The following RPS6KA2 variants were observed in gnomAD, a reference collection of about 807,000 sequenced individuals.
RPS6KA2 encodes ribosomal protein S6 kinase A2.
RPS6KA2 carries 42 observed loss-of-function variants against 91.8 expected under a neutral mutation model. The ratio of observed to expected loss-of-function variants is 0.46; its 90% CI spans 0.36 to 0.59. RPS6KA2 has a LOEUF of 0.59. Among genes scored for constraint, RPS6KA2 ranks in the 20% least tolerant of loss-of-function variants. The pLI, the probability that RPS6KA2 is intolerant of heterozygous loss-of-function variation, is 0.00. For synonymous variants in RPS6KA2, 414 were observed against 393.6 expected (o/e 1.05, Z -0.61); for missense variants, 798 against 978.5 (o/e 0.82, Z 2.46).
Position 166,445,351 on chromosome 6 carries a change from A to T in RPS6KA2, c.1332+3373T>A, listed in dbSNP as rs1452911199. Among the ~76,000 whole-genome samples the T allele has an allele frequency of 6.6e-6, 1 of 152,148 alleles. No homozygotes were observed. The highest frequency in any genetic ancestry group is 1.5e-5 in the Non-Finnish European group (1 of 68,014). ...AAGAAAAACTCCATCCCCATCTCCAAAATATCAACCTCCTGGCCTTTATCT... is the reference window on the plus strand; with the variant it reads ...AAGAAAAACTCCATCCCCATCTCCATAATATCAACCTCCTGGCCTTTATCT... On this transcript the variant is annotated intron_variant, in intron 14 of 20. Coordinates refer to ENST00000265678, the MANE Select transcript of RPS6KA2 (RefSeq NM_021135.6). The surrounding 1 kb of genome is among the most constrained non-coding windows in gnomAD (Gnocchi z 4.5).
In RPS6KA2 at chr6:166,665,081, C is replaced by CA. The variant is rs778275876; in HGVS notation, c.124-126298dup. ...GCAAAATAGTGAGACCCCATCTCTACAAAAAATAAAATTAGCCAGGCATGG... is the reference window on the plus strand; with the variant it reads ...GCAAAATAGTGAGACCCCATCTCTACAAAAAAATAAAATTAGCCAGGCATGG... On this transcript the variant is annotated intron_variant, in intron 2 of 21. Transcript: ENST00000503859. This position sits in a 1 kb window ranked among gnomAD's most constrained non-coding sequence, Gnocchi z 4.5. Among the ~76,000 whole-genome samples the CA allele has an allele frequency of 1.3e-5, 2 of 152,116 alleles. No individual in the cohort carries two copies. Among genetic ancestry groups the CA allele is most frequent in the Non-Finnish European group, 2.9e-5 (2 of 67,998 alleles).
chr6:166,516,970 T>G (rs926797540), intron 3 of RPS6KA2, among the ~76,000 whole-genome samples: 4 of 152,180 alleles, frequency 2.6e-5, no homozygotes, highest in Non-Finnish European at 5.9e-5. Context: ...TCACATCCAT[T>G]TGGAATGAAG....
chr6:166,553,748 A>G (rs1784092193), intron 1 of RPS6KA2, among the ~76,000 whole-genome samples: 1 of 152,176 alleles, frequency 6.6e-6, no homozygotes, highest in South Asian at 2.1e-4. Context: ...TGCTTTAAAC[A>G]GACTTGGCTA....
In RPS6KA2 at chr6:166,691,003, A is replaced by G. The variant is rs150950033; in HGVS notation, c.124-152219T>C. 4.0e-4 allele frequency among the ~76,000 whole-genome samples: 61 copies of G among 152,372 alleles called. No individual in the cohort carries two copies. The East Asian group carries it at 0.011, about 27-fold the overall frequency. On this transcript the variant is annotated intron_variant, in intron 2 of 21. Coordinates refer to the RPS6KA2 transcript ENST00000503859. ...ATCATCAACAGTAAACAGCATAATA[A>G]TCAACAGCACACAGTCCATATAATA...
intron 2 of RPS6KA2, among the ~76,000 whole-genome samples, chr6:166,851,096 C>T (rs73788171): frequency 0.018 from 2,799 of 152,248 alleles, 85 homozygotes; most frequent in African/African-American, 0.064. Flanking sequence ...ATTTCACCAC[C>T]TGAAAAATGG....
chr6:166,744,651 C>T (rs953352956), intron 2 of RPS6KA2, among the ~76,000 whole-genome samples: 2 of 152,216 alleles, frequency 1.3e-5, no homozygotes, highest in African/African-American at 4.8e-5. Context: ...TCCCGCGCTG[C>T]CCCTTCAGAC....
Position 166,508,986 on chromosome 6 carries a change from C to T in RPS6KA2, c.380-704G>A, listed in dbSNP as rs1156492566. Among the ~76,000 whole-genome samples, 4 of 152,222 alleles carry T rather than the reference C, an allele frequency of 2.6e-5. No homozygotes were observed. Among genetic ancestry groups the T allele is most frequent in the African/African-American group, 9.6e-5 (4 of 41,462 alleles). On this transcript the variant is annotated intron_variant, in intron 4 of 20. Transcript: ENST00000265678. This position sits in a 1 kb window ranked among gnomAD's most constrained non-coding sequence, Gnocchi z 4.3. Reference sequence around the variant, plus strand: ...ACCATCGCTGCTGTGACGATGGTTGCTGCAGTGGCACTGGTGAGGCACCGC... The same window carrying T: ...ACCATCGCTGCTGTGACGATGGTTGTTGCAGTGGCACTGGTGAGGCACCGC...
intron 13 of RPS6KA2, among the ~76,000 whole-genome samples, chr6:166,449,296 C>T (rs1350892673): frequency 2.6e-5 from 4 of 152,148 alleles, no homozygotes; most frequent in Non-Finnish European, 5.9e-5. Flanking sequence ...CAGCCCCACC[C>T]ACCCGCTCTT....
chr6:166,510,554 CATATATATATATATATATATATATAT>C lies in RPS6KA2; in HGVS notation c.299-223_299-198del, dbSNP rs58712416. Among the ~76,000 whole-genome samples the C allele has an allele frequency of 2.0e-3, 161 of 78,794 alleles. 4 individuals are homozygous for C. The highest frequency in any genetic ancestry group is 9.7e-3 in the East Asian group (24 of 2,466). The allele number at this position is 78,794 out of a possible 152,430, so 51.7% of individuals were successfully genotyped here. The stretch of plus-strand genomic sequence containing the variant: ...TTTAATACATTTGCTTTCTCTCTCT[CATATATATATATATATATATATATAT>C]ATATATATATATATATATATATATA... On this transcript the variant is annotated intron_variant, in intron 3 of 20. Coordinates refer to ENST00000265678, the MANE Select transcript of RPS6KA2 (RefSeq NM_021135.6).
At chr6:166,720,688 C>A (rs1439205000) in intron 2 of RPS6KA2, among the ~76,000 whole-genome samples, 1 of 152,208 alleles carries the variant, frequency 6.6e-6, no homozygotes, top group Non-Finnish European at 1.5e-5. Context: ...AGAAAAATGA[C>A]CTCTGTGTAT....
intron 2 of RPS6KA2, among the ~76,000 whole-genome samples, chr6:166,636,324 G>A (rs1787241548): frequency 6.6e-6 from 1 of 152,092 alleles, no homozygotes. Context: ...TCTCGGACAG[G>A]CTTGAATCAG....
Position 166,411,920 on chromosome 6 carries a change from C to G in RPS6KA2, c.*842G>C, listed in dbSNP as rs1409855700. 1 of 152,280 alleles carries G rather than the reference C, an allele frequency of 6.6e-6. No homozygotes were observed. Among genetic ancestry groups the G allele is most frequent in the Non-Finnish European group, 1.5e-5 (1 of 68,106 alleles). The allele number at this position is 152,280 out of a possible 1,614,324, so 9.4% of individuals were successfully genotyped here. A position where few individuals can be genotyped will look rare whatever the true frequency, so the allele number is the denominator to read the frequency against. ...ACACAGGGCTGAGCAGGTGCGAGAA[C>G]CCACGACTCCCTGCAAAGCCTCCAG... On this transcript the variant is annotated 3_prime_UTR_variant, in exon 21 of 21. Coordinates refer to ENST00000265678, the MANE Select transcript of RPS6KA2 (RefSeq NM_021135.6). This position sits in a 1 kb window ranked among gnomAD's most constrained non-coding sequence, Gnocchi z 4.5.
chr6:166,789,599 T>G lies in RPS6KA2; in HGVS notation c.123+68601A>C, dbSNP rs150159707. Among the ~76,000 whole-genome samples, 315 of 152,326 alleles carry G rather than the reference T, an allele frequency of 2.1e-3. 1 individual carries two copies. The highest frequency in any genetic ancestry group is 7.1e-3 in the African/African-American group (295 of 41,568). On this transcript the variant is annotated intron_variant, in intron 2 of 21. Coordinates refer to the RPS6KA2 transcript ENST00000503859. ...GTCCCTGACCCCCGAGCAGCTTAAC[T>G]GGGAGACACCCCCCAGTAGGGGCAG...
At chr6:166,741,526 G>A (rs1033769184) in intron 2 of RPS6KA2, among the ~76,000 whole-genome samples, 3 of 152,208 alleles carry the variant, frequency 2.0e-5, no homozygotes, top group Non-Finnish European at 2.9e-5. Flanking sequence ...GCACTCAAGT[G>A]GATAATTTAA....
At position 166,493,546 on chromosome 6, in the gene RPS6KA2, C is replaced by T. The variant is rs112530959; in HGVS notation, c.748-2805G>A. On this transcript the variant is annotated intron_variant, in intron 8 of 20. Coordinates refer to ENST00000265678, the MANE Select transcript of RPS6KA2 (RefSeq NM_021135.6). This position sits in a 1 kb window ranked among gnomAD's most constrained non-coding sequence, Gnocchi z 4.7. ...CTTGGGGTTCCCACAGTCAAGTACA[C>T]GCACCGGGGGAGGGAGGGCACTCCA... 5.3e-3 allele frequency among the ~76,000 whole-genome samples: 800 copies of T among 152,152 alleles called. 6 individuals carry two copies. The highest frequency in any genetic ancestry group is 0.019 in the African/African-American group (768 of 41,504).
intron 2 of RPS6KA2, among the ~76,000 whole-genome samples, chr6:166,787,567 A>G (rs1013112069): frequency 2.2e-4 from 33 of 152,126 alleles, no homozygotes; most frequent in Non-Finnish European, 4.4e-4. Flanking sequence ...TCTTTATTAC[A>G]TTTAAATTTA....
At chr6:166,669,374 T>C (rs1332754563) in intron 2 of RPS6KA2, among the ~76,000 whole-genome samples, 1 of 152,192 alleles carries the variant, frequency 6.6e-6, no homozygotes, top group African/African-American at 2.4e-5. Flanking sequence ...AGGCCATGTG[T>C]AGAGGGTGGG....
intron 1 of RPS6KA2, among the ~76,000 whole-genome samples, chr6:166,574,611 A>C (rs1017721164): frequency 3.9e-5 from 6 of 152,262 alleles, no homozygotes; most frequent in African/African-American, 1.4e-4. Flanking sequence ...ACGTTGTTGC[A>C]GTGAAAATAC....
intron 1 of RPS6KA2, among the ~76,000 whole-genome samples, chr6:166,620,947 C>T (rs1023101514): frequency 2.0e-5 from 3 of 152,142 alleles, no homozygotes; most frequent in African/African-American, 4.8e-5. Flanking sequence ...AGACTGGCAC[C>T]GAGCAGGGGC....
Sources: gnomAD v4.1 joint callset for allele counts (sites outside exome capture counted in the v4.1 genomes callset) on GRCh38, gnomAD v4.1.1 for gene constraint, Gnocchi (gnomAD v3.1) non-coding constraint, MANE v1.5 for transcripts, NCBI Gene and HGNC (gene_info 2026-07-23, HGNC 2026-07-21) for gene names.